Variants in FARS2 observed in about 807,000 individuals in gnomAD.
FARS2 encodes phenylalanine--tRNA ligase, mitochondrial.
FARS2 carries 40 observed loss-of-function variants against 46.4 expected under a neutral mutation model. The observed-to-expected ratio is 0.86, with a 90% confidence interval of 0.67 to 1.12. FARS2 has a LOEUF of 1.12. Among genes scored for constraint, FARS2 ranks in the 50% most tolerant of loss-of-function variants. FARS2 has a pLI of 0.00. For synonymous variants in FARS2, 234 were observed against 214.9 expected, an observed-to-expected ratio of 1.09 and a Z score of -0.78; for missense variants, 513 against 567.9, an observed-to-expected ratio of 0.90 and a Z score of 0.98.
chr6:5,743,858 A>G (rs749107250), intron 6 of FARS2, among the ~76,000 whole-genome samples: 1 of 152,258 alleles, frequency 6.6e-6, no homozygotes, highest in Non-Finnish European at 1.5e-5. Context: ...CTGTCTTGTT[A>G]TATACTCTAT....
At chr6:5,523,956 A>G (rs192679910) in intron 4 of FARS2, among the ~76,000 whole-genome samples, 2 of 152,274 alleles carry the variant, frequency 1.3e-5, no homozygotes, top group Admixed American at 1.3e-4. Context: ...TCTAATGATA[A>G]TTCTTCAAAG....
intron 4 of FARS2, among the ~76,000 whole-genome samples, chr6:5,453,300 G>A (rs942489571): frequency 4.6e-5 from 7 of 152,162 alleles, no homozygotes; most frequent in Non-Finnish European, 4.4e-5. Flanking sequence ...TTTGCACGAA[G>A]AAATATACAT....
intron 3 of FARS2, among the ~76,000 whole-genome samples, chr6:5,416,883 G>A (rs1762271018): frequency 6.6e-6 from 1 of 152,176 alleles, no homozygotes; most frequent in South Asian, 2.1e-4. Flanking sequence ...AGACTTCCCT[G>A]TTTCCCATCT....
At chr6:5,463,026 C>G (rs1251327261) in intron 4 of FARS2, among the ~76,000 whole-genome samples, 2 of 152,160 alleles carry the variant, frequency 1.3e-5, no homozygotes, top group Admixed American at 1.3e-4. Flanking sequence ...CTATTCAACT[C>G]GGCTATTGTG....
At chr6:5,492,640 G>C (rs1453518166) in intron 4 of FARS2, among the ~76,000 whole-genome samples, 1 of 152,170 alleles carries the variant, frequency 6.6e-6, no homozygotes, top group African/African-American at 2.4e-5. Context: ...TATTTTCTAT[G>C]AACTTTATTT....
chr6:5,427,481 G>A lies in FARS2; in HGVS notation c.773-3560G>A, dbSNP rs1339508093. 3.3e-5 allele frequency among the ~76,000 whole-genome samples: 5 copies of A among 152,200 alleles called. No homozygotes were observed. In the East Asian group the frequency reaches 9.6e-4, roughly 29 times the overall value. ...AGGAAATGAATGGTGTATAGATTTG[G>A]CATTCTTTGTGGGGTCATGTAGATT... On this transcript the variant is annotated intron_variant, in intron 3 of 6. Transcript: ENST00000274680.
intron 1 of FARS2, among the ~76,000 whole-genome samples, chr6:5,296,035 G>T (rs1173320037): frequency 1.3e-5 from 2 of 150,670 alleles, no homozygotes; most frequent in African/African-American, 2.4e-5. Context: ...AATCCTCACT[G>T]CAACTCTAGG....
rs559521070 is a variant in FARS2, at chr6:5,622,738, C to T, written c.1217+9418C>T. ...CCAAATCTGCTGGCACCTTGATCTTCGACTTCCCAGCCTCCAGAACCGTGA... is the reference window on the plus strand; with the variant it reads ...CCAAATCTGCTGGCACCTTGATCTTTGACTTCCCAGCCTCCAGAACCGTGA... On this transcript the variant is annotated intron_variant, in intron 6 of 6. Coordinates refer to ENST00000274680, the MANE Select transcript of FARS2 (RefSeq NM_006567.5). Among the ~76,000 whole-genome samples the T allele has an allele frequency of 9.5e-4, 144 of 152,338 alleles. 1 individual carries two copies. Among genetic ancestry groups the T allele is most frequent in the Non-Finnish European group, 1.5e-3 (105 of 68,032 alleles).
rs1035912671 is a variant in FARS2, at chr6:5,349,444, G to A, written c.-21-19106G>A. Among the ~76,000 whole-genome samples, 197 of 152,170 alleles carry A rather than the reference G, an allele frequency of 1.3e-3. 1 individual carries two copies. The highest frequency in any genetic ancestry group is 4.5e-3 in the African/African-American group (185 of 41,542). ...TAATTCAATTCATATGAAAATATCA[G>A]CAAAGTTTTTTTTTCTTACAAACAT... On this transcript the variant is annotated intron_variant, in intron 1 of 6. Coordinates refer to ENST00000274680, the MANE Select transcript of FARS2 (RefSeq NM_006567.5).
At chr6:5,510,008 C>T (rs573488971) in intron 4 of FARS2, among the ~76,000 whole-genome samples, 7 of 152,190 alleles carry the variant, frequency 4.6e-5, no homozygotes, top group South Asian at 2.1e-4. Context: ...TTGTGAGGCC[C>T]GCCAGTGTTG....
intron 4 of FARS2, among the ~76,000 whole-genome samples, chr6:5,469,716 T>C (rs540323684): frequency 6.6e-6 from 1 of 152,216 alleles, no homozygotes; most frequent in African/African-American, 2.4e-5. Context: ...TCTAAAAAGA[T>C]AAGGTTTGGA....
At chr6:5,331,103 TAA>T (rs11362298) in intron 1 of FARS2, among the ~76,000 whole-genome samples, 164 of 132,846 alleles carry the variant, frequency 1.2e-3, no homozygotes, top group African/African-American at 1.7e-3. Context: ...AAACTCCGTT[TAA>T]AAAAAAAAAA....
intron 4 of FARS2, among the ~76,000 whole-genome samples, chr6:5,493,205 G>A (rs532919546): frequency 2.7e-5 from 3 of 112,910 alleles, no homozygotes; most frequent in African/African-American, 1.0e-4. Flanking sequence ...GGGAGACTGT[G>A]TCTCAAAAAA....
intron 3 of FARS2, among the ~76,000 whole-genome samples, chr6:5,413,512 T>C (rs1582033047): frequency 2.6e-5 from 4 of 152,308 alleles, no homozygotes; most frequent in Admixed American, 2.6e-4. Flanking sequence ...AAGATTCTCC[T>C]TCTACTCTTT....
At chr6:5,515,507 C>T (rs1768730944) in intron 4 of FARS2, among the ~76,000 whole-genome samples, 2 of 152,222 alleles carry the variant, frequency 1.3e-5, no homozygotes, top group Admixed American at 1.3e-4. Flanking sequence ...CAGCTCACTA[C>T]AACCTCCATC....
intron 2 of FARS2, among the ~76,000 whole-genome samples, chr6:5,388,002 A>G (rs1460230711): frequency 6.6e-6 from 1 of 152,158 alleles, no homozygotes; most frequent in Non-Finnish European, 1.5e-5. Flanking sequence ...ATCATCTTAT[A>G]TTAGCATGGT....
At chr6:5,321,197 C>G (rs1769948121) in intron 1 of FARS2, among the ~76,000 whole-genome samples, 1 of 152,208 alleles carries the variant, frequency 6.6e-6, no homozygotes, top group South Asian at 2.1e-4. Context: ...AGTTACTCTC[C>G]TGATGTCACT....
At chr6:5,479,711 A>T (rs1053124922) in intron 4 of FARS2, among the ~76,000 whole-genome samples, 1 of 152,240 alleles carries the variant, frequency 6.6e-6, no homozygotes, top group Non-Finnish European at 1.5e-5. Flanking sequence ...TATCGTGTAT[A>T]TAAAATTCCA....
chr6:5,710,219 G>A (rs936908490), intron 6 of FARS2, among the ~76,000 whole-genome samples: 13 of 152,162 alleles, frequency 8.5e-5, no homozygotes, highest in African/African-American at 3.1e-4. Flanking sequence ...ACAGATGAGC[G>A]CCGCTGTACA....
Sources: allele counts gnomAD v4.1 joint callset (sites outside exome capture counted in the v4.1 genomes callset), GRCh38; gene constraint gnomAD v4.1.1; transcripts MANE v1.5; gene names NCBI Gene and HGNC (gene_info 2026-07-23, HGNC 2026-07-21).